Variants in SYNE1 observed in about 807,000 individuals in gnomAD.
The protein encoded by SYNE1 is nesprin-1.
A neutral mutation model predicts 1,111.0 loss-of-function variants in SYNE1; 616 were observed. The ratio of observed to expected loss-of-function variants is 0.55; its 90% CI spans 0.52 to 0.59. The LOEUF (loss-of-function observed/expected upper bound fraction) is 0.59, where lower values mean the gene tolerates loss of function less well. Ranked by LOEUF, SYNE1 falls within the 20% of genes least tolerant of loss-of-function variation. The pLI, the probability that SYNE1 is intolerant of heterozygous loss-of-function variation, is 0.00. For synonymous variants in SYNE1, 3,855 were observed against 3,825.8 expected, an observed-to-expected ratio of 1.01 and a Z score of -0.28; for missense variants, 10,006 against 10,417.0, an observed-to-expected ratio of 0.96 and a Z score of 1.72.
intron 98 of SYNE1, among the ~76,000 whole-genome samples, chr6:152,275,442 G>A (rs2093547258): frequency 6.6e-6 from 1 of 152,128 alleles, no homozygotes; most frequent in African/African-American, 2.4e-5. Flanking sequence ...TTTGTCCACT[G>A]ATTTGTAATG....
intron 93 of SYNE1, among the ~76,000 whole-genome samples, chr6:152,300,358 G>A (rs560622767): frequency 6.6e-6 from 1 of 152,276 alleles, no homozygotes; most frequent in South Asian, 2.1e-4. Context: ...CATTCCAGAT[G>A]ATTGCTGGAA....
At chr6:152,615,661 C>A (rs1406407219) in intron 3 of SYNE1, among the ~76,000 whole-genome samples, 1 of 152,106 alleles carries the variant, frequency 6.6e-6, no homozygotes, top group African/African-American at 2.4e-5. Context: ...ATTAAAACAT[C>A]TTTTACATTA....
In SYNE1 at chr6:152,505,087, T is replaced by A. The variant is rs9371604; in HGVS notation, c.778+114A>T. ...AGGAAAATACCATTACTTGCCACTT[T>A]TCTCCAGCTTTCTGGCCTCCAATAG... On this transcript the variant is annotated intron_variant, in intron 9 of 145. Transcript: ENST00000367255. 182,363 of 1,199,488 alleles carry A rather than the reference T, an allele frequency of 0.15. 16,632 individuals carry two copies. The highest frequency in any genetic ancestry group is 0.46 in the East Asian group (19,180 of 41,264). 74.3% of individuals were successfully genotyped at this position (1,199,488 alleles called of 1,614,324 possible).
chr6:152,232,871 A>T (rs1252307662), intron 112 of SYNE1, among the ~76,000 whole-genome samples: 1 of 152,218 alleles, frequency 6.6e-6, no homozygotes, highest in East Asian at 1.9e-4. Flanking sequence ...ATCTTTGTAT[A>T]TCAACTTCTG....
chr6:152,180,477 T>C (rs1218100833), intron 128 of SYNE1, among the ~76,000 whole-genome samples, 183 bp from the exon 129 acceptor site: 3 of 152,200 alleles, frequency 2.0e-5, no homozygotes, highest in Non-Finnish European at 4.4e-5. Context: ...TCTAGTTCTT[T>C]CCTGAAGATT....
chr6:152,234,109 A>C (rs2153526206), intron 111 of SYNE1, 146 bp from the exon 112 acceptor site: 3 of 887,608 alleles, frequency 3.4e-6, no homozygotes, highest in East Asian at 2.6e-5. Context: ...AAAGCAGTAC[A>C]CCCTTGCCCT....
At position 152,234,627 on chromosome 6, in the gene SYNE1, C is replaced by T. The variant is rs142325006; in HGVS notation, c.20529+41G>A. 1,461 of 1,611,612 alleles carry T rather than the reference C, an allele frequency of 9.1e-4. 4 individuals are homozygous for T. The highest frequency in any genetic ancestry group is 1.8e-3 in the Admixed American group (108 of 60,002). On this transcript the variant is annotated intron_variant, in intron 111 of 145. Coordinates refer to ENST00000367255, the MANE Select transcript of SYNE1 (RefSeq NM_182961.4). ...CTACTGGTGTATGGGTCAGGCCTAA[C>T]TTATAGGCCTGAATCAAATGCTTTA...
intron 53 of SYNE1, among the ~76,000 whole-genome samples, chr6:152,388,173 A>G (rs562404250): frequency 6.9e-4 from 105 of 152,110 alleles, no homozygotes; most frequent in African/African-American, 2.4e-3. Flanking sequence ...CTTTGCATCC[A>G]TTGATCCATT....
chr6:152,632,865 C>A (rs1348437861), intron 2 of SYNE1, among the ~76,000 whole-genome samples: 1 of 152,142 alleles, frequency 6.6e-6, no homozygotes, highest in African/African-American at 2.4e-5. Context: ...ATACTAGTTT[C>A]CATTTTCCTT....
intron 112 of SYNE1, 37 bp from the exon 113 acceptor site, chr6:152,232,302 A>G (rs2082958121): frequency 6.2e-7 from 1 of 1,612,518 alleles, no homozygotes; most frequent in Non-Finnish European, 8.5e-7. Context: ...CCCAAGTGTT[A>G]AAATGGAAAC....
intron 80 of SYNE1, 114 bp from the exon 81 acceptor site, chr6:152,325,416 T>C: frequency 1.0e-6 from 1 of 967,638 alleles, no homozygotes; most frequent in Non-Finnish European, 1.6e-6. Context: ...GAAATGTTTC[T>C]ACATACGTTT....
chr6:152,337,353 G>A (rs544696768), intron 75 of SYNE1, among the ~76,000 whole-genome samples: 4 of 151,564 alleles, frequency 2.6e-5, no homozygotes, highest in Admixed American at 6.6e-5. Flanking sequence ...GCAATGGCAC[G>A]ATCTCGGCTC....
chr6:152,218,440 A>C, intron 120 of SYNE1, 37 bp from the exon 121 acceptor site: 2 of 1,575,052 alleles, frequency 1.3e-6, no homozygotes, highest in Non-Finnish European at 1.7e-6. Context: ...TTTCAGTTAA[A>C]AAAAAAAAAA....
At chr6:152,490,862 C>T (rs117234770) in intron 11 of SYNE1, among the ~76,000 whole-genome samples, 7,190 of 152,276 alleles carry the variant, frequency 0.047, 240 homozygotes, top group Non-Finnish European at 0.067. Context: ...GCCCAAGGAA[C>T]ATCTTACCAA....
rs144732736 is a variant in SYNE1 at position 152,416,657 on chromosome 6, T to C, written c.5780A>G (p.Asp1927Gly). Residue 1927 changes from aspartate (D) to glycine (G), a missense_variant, in exon 41 of 146, where the codon GAT becomes GGT. Physicochemically the swap from Asp to Gly is moderately conservative, Grantham distance 94. Around this residue, in one of 7 missense-constraint regions of SYNE1, gnomAD observed 4,955 missense variants for 5,017.2 expected, o/e 0.99. Transcript: ENST00000367255. ...GTATTGGGCTTTGGAAAGAATGCCA[T>C]CCAGACTGACGGCAGCAGATTCTAA... ...KALESAAVSLDGILSKAQYHL... is the reference protein window; with the variant it reads ...KALESAAVSLGGILSKAQYHL... 9 of 1,614,104 alleles carry C rather than the reference T, an allele frequency of 5.6e-6. No individual in the cohort carries two copies. Among genetic ancestry groups the C allele is most frequent in the Non-Finnish European group, 7.6e-6 (9 of 1,180,054 alleles).
At chr6:152,145,974 G>C (rs186375752) in intron 137 of SYNE1, 4 of 232,374 alleles carry the variant, frequency 1.7e-5, no homozygotes, top group Middle Eastern at 1.7e-3. Flanking sequence ...GCAGTGAGCC[G>C]AGATTGTGCC....
chr6:152,407,807 G>A (rs1277000067), intron 44 of SYNE1, among the ~76,000 whole-genome samples: 1 of 147,234 alleles, frequency 6.8e-6, no homozygotes, highest in Non-Finnish European at 1.5e-5. Context: ...TGTTTCCCAG[G>A]CTAGAGCGCA....
intron 84 of SYNE1, among the ~76,000 whole-genome samples, chr6:152,319,632 A>T (rs2095822733): frequency 6.6e-6 from 1 of 152,220 alleles, no homozygotes; most frequent in African/African-American, 2.4e-5. Context: ...TTAGAATAAA[A>T]TGCCGAAGAA....
At chr6:152,340,748 G>A (rs982617963) in intron 74 of SYNE1, among the ~76,000 whole-genome samples, 21 of 152,132 alleles carry the variant, frequency 1.4e-4, no homozygotes, top group African/African-American at 4.6e-4. Flanking sequence ...GGAAAATATC[G>A]GGAGCATCAT....
Sources: allele counts gnomAD v4.1 joint callset (sites outside exome capture counted in the v4.1 genomes callset), GRCh38; gene constraint gnomAD v4.1.1; regional missense constraint gnomAD v4.1.1; transcripts MANE v1.5; gene names NCBI Gene and HGNC (gene_info 2026-07-23, HGNC 2026-07-21).